The following TMEM232 variants were observed in gnomAD, a reference collection of about 807,000 sequenced individuals.
TMEM232 encodes transmembrane protein 232.
In TMEM232, 80 loss-of-function variants were observed where a neutral mutation model predicts 78.8. The ratio of observed to expected loss-of-function variants is 1.01; its 90% CI spans 0.85 to 1.22. TMEM232 has a LOEUF of 1.22. Ranked by LOEUF, TMEM232 falls within the 50% of genes most tolerant of loss-of-function variation. The pLI, the probability that TMEM232 is intolerant of heterozygous loss-of-function variation, is 0.00. For synonymous variants in TMEM232, 297 were observed against 254.3 expected (o/e 1.17, Z -1.60); for missense variants, 881 against 742.2 (o/e 1.19, Z -2.17).
intron 2 of TMEM232, among the ~76,000 whole-genome samples, chr5:110,401,681 T>C (rs1755604011): frequency 6.6e-6 from 1 of 152,120 alleles, no homozygotes; most frequent in Non-Finnish European, 1.5e-5. Flanking sequence ...GCCCAGCTTC[T>C]CATGTAGGTC....
At chr5:110,576,073 A>G (rs1198763391) in intron 10 of TMEM232, among the ~76,000 whole-genome samples, 1 of 152,084 alleles carries the variant, frequency 6.6e-6, no homozygotes, top group Non-Finnish European at 1.5e-5. Context: ...CCATCTAAAT[A>G]GGAAGAGAGG....
chr5:110,695,439 C>A (rs574433017), intron 1 of TMEM232, among the ~76,000 whole-genome samples: 15 of 152,042 alleles, frequency 9.9e-5, no homozygotes, highest in Middle Eastern at 3.4e-3. Flanking sequence ...AGAAGGCAAG[C>A]AATAACTAAA....
chr5:110,391,843 G>T (rs1040075786), intron 3 of TMEM232, among the ~76,000 whole-genome samples: 1 of 152,164 alleles, frequency 6.6e-6, no homozygotes, highest in African/African-American at 2.4e-5. Flanking sequence ...TACTGAGCTG[G>T]ACTATACAGC....
chr5:110,471,654 A>G (rs957891645), intron 12 of TMEM232, among the ~76,000 whole-genome samples: 1 of 151,990 alleles, frequency 6.6e-6, no homozygotes, highest in East Asian at 1.9e-4. Context: ...CTGGCAGCCA[A>G]GAATTCTATA....
chr5:110,424,912 G>A lies in TMEM232; in HGVS notation c.1708C>T (p.His570Tyr), dbSNP rs1475859299. 3 of 1,549,314 alleles carry A rather than the reference G, an allele frequency of 1.9e-6. No homozygotes were observed. The highest frequency in any genetic ancestry group is 2.6e-6 in the Non-Finnish European group (3 of 1,145,452). ...KQVLHFTVREHPSVSEIPMFP... is the reference protein window; with the variant it reads ...KQVLHFTVREYPSVSEIPMFP... ...ATGGGAATTTCTGATACAGAAGGAT[G>A]TTCCCTTCAAAAGAGCACAAGAACA... The change falls in exon 13 of 14, where the codon CAT becomes TAT. Residue 570 changes from histidine (H) to tyrosine (Y), a missense_variant. Transcript: ENST00000455884.
At chr5:110,468,363 AC>A in intron 12 of TMEM232, among the ~76,000 whole-genome samples, 1 of 152,232 alleles carries the variant, frequency 6.6e-6, no homozygotes, top group Admixed American at 6.5e-5. Flanking sequence ...ACGCTTAAAA[AC>A]ATTACATGAA....
intron 12 of TMEM232, among the ~76,000 whole-genome samples, chr5:110,475,553 G>A (rs1763160707): frequency 7.0e-6 from 1 of 142,606 alleles, no homozygotes; most frequent in Non-Finnish European, 1.5e-5. Flanking sequence ...AGGTCCAATT[G>A]TCTCAGCTTA....
chr5:110,476,346 A>C (rs1434391862), intron 12 of TMEM232, among the ~76,000 whole-genome samples: 1 of 151,976 alleles, frequency 6.6e-6, no homozygotes, highest in Non-Finnish European at 1.5e-5. Context: ...AGCACAGAGA[A>C]AAGGACCTGT....
chr5:110,702,098 T>C (rs775004961), intron 1 of TMEM232, among the ~76,000 whole-genome samples: 1 of 151,996 alleles, frequency 6.6e-6, no homozygotes, highest in South Asian at 2.1e-4. Context: ...AGCAGTTATA[T>C]ACATTGTTGA....
intron 12 of TMEM232, among the ~76,000 whole-genome samples, chr5:110,428,755 G>C (rs1039763489): frequency 1.3e-5 from 2 of 150,062 alleles, no homozygotes; most frequent in African/African-American, 4.9e-5. Context: ...ACTTTTCTTT[G>C]ACACATTATA....
chr5:110,518,695 C>G (rs28445803), intron 12 of TMEM232, among the ~76,000 whole-genome samples: 11,525 of 152,126 alleles, frequency 0.076, 539 homozygotes, highest in South Asian at 0.19. Flanking sequence ...GAAAGCCTGC[C>G]CACCAGGCTT....
intron 1 of TMEM232, among the ~76,000 whole-genome samples, chr5:110,721,493 C>T (rs1316077261): frequency 4.0e-5 from 6 of 150,710 alleles, no homozygotes; most frequent in East Asian, 2.0e-4. Context: ...TCCTCAATTC[C>T]GAGAGAGTAC....
chr5:110,697,493 C>G (rs1251096792), intron 1 of TMEM232, among the ~76,000 whole-genome samples: 1 of 152,088 alleles, frequency 6.6e-6, no homozygotes, highest in Admixed American at 6.6e-5. Context: ...GAAGAAACTA[C>G]CATCAGAGTG....
intron 7 of TMEM232, among the ~76,000 whole-genome samples, chr5:110,620,387 C>T (rs1015165326): frequency 6.6e-6 from 1 of 152,158 alleles, no homozygotes. Flanking sequence ...AACAAAGTCA[C>T]TCTGCCACCC....
rs114941622 is a variant in TMEM232 at position 110,665,817 on chromosome 5, C to T, written c.125+1411G>A. On this transcript the variant is annotated intron_variant, in intron 2 of 13. Coordinates refer to ENST00000455884, the MANE Select transcript of TMEM232 (RefSeq NM_001039763.4). ...TGCCTGTAATTCCAACTTTTTGGGA[C>T]GAAAAGGAGTGCCGATCACTTGAGG... is the stretch of plus-strand genomic sequence containing the variant. Among the ~76,000 whole-genome samples, 1,291 of 144,486 alleles carry T rather than the reference C, an allele frequency of 8.9e-3. 15 individuals are homozygous for T. The highest frequency in any genetic ancestry group is 0.031 in the African/African-American group (1,209 of 38,956). 94.8% of individuals were successfully genotyped at this position (144,486 alleles called of 152,430 possible). A position where few individuals can be genotyped will look rare whatever the true frequency, so the allele number is the denominator to read the frequency against.
intron 11 of TMEM232, among the ~76,000 whole-genome samples, chr5:110,544,440 T>G (rs1338703236): frequency 1.8e-5 from 1 of 56,458 alleles, no homozygotes; most frequent in Non-Finnish European, 3.0e-5. Context: ...TACACACATA[T>G]CAAAAAAAAA....
chr5:110,521,950 G>T (rs770131281), intron 12 of TMEM232, among the ~76,000 whole-genome samples: 1 of 152,184 alleles, frequency 6.6e-6, no homozygotes. Flanking sequence ...ACAATCTTTT[G>T]TGTTCCCATA....
chr5:110,557,796 C>CAGG (rs1775283328), intron 11 of TMEM232, among the ~76,000 whole-genome samples: 2 of 152,158 alleles, frequency 1.3e-5, no homozygotes, highest in Non-Finnish European at 2.9e-5. Flanking sequence ...GGCCCCATAT[C>CAGG]TAGCACTGAG....
At chr5:110,452,436 G>A (rs1267640569) in intron 12 of TMEM232, among the ~76,000 whole-genome samples, 1 of 152,132 alleles carries the variant, frequency 6.6e-6, no homozygotes, top group Non-Finnish European at 1.5e-5. Flanking sequence ...TGTAGCATGT[G>A]AAGAACAGGT....
Sources: allele counts gnomAD v4.1 joint callset (sites outside exome capture counted in the v4.1 genomes callset), GRCh38; gene constraint gnomAD v4.1.1; transcripts MANE v1.5; gene names NCBI Gene and HGNC (gene_info 2026-07-23, HGNC 2026-07-21).